The following SMCO2 variants were observed in gnomAD, a reference collection of about 807,000 sequenced individuals.
The protein encoded by SMCO2 is single-pass membrane and coiled-coil domain-containing protein 2.
A neutral mutation model predicts 29.5 loss-of-function variants in SMCO2; 25 were observed. The observed-to-expected ratio is 0.85, with a 90% CI of 0.62 to 1.18. The LOEUF (loss-of-function observed/expected upper bound fraction) is 1.18, where lower values mean the gene tolerates loss of function less well. Ranked by LOEUF, SMCO2 falls within the 50% of genes most tolerant of loss-of-function variation. The pLI is 0.00. For synonymous variants in SMCO2, 117 were observed against 123.3 expected (o/e 0.95, Z 0.34); for missense variants, 348 against 344.5 (o/e 1.01, Z -0.08).
At chr12:27,436,203 G>T in the SMCO2 span, among the ~76,000 whole-genome samples, 1 of 152,134 alleles carries the variant, frequency 6.6e-6, no homozygotes, top group Non-Finnish European at 1.5e-5. Flanking sequence ...CATCACAGTG[G>T]GGGTTAGGAT....
At chr12:27,494,120 C>T in intron 5 of SMCO2, 180 bp from the exon 7 acceptor site, 1 of 423,774 alleles carries the variant, frequency 2.4e-6, no homozygotes, top group South Asian at 4.0e-5. Context: ...ATGGTTATAC[C>T]ACTTACAGTC....
At chr12:27,474,135 TGTATATA>T (rs1340744697) in intron 3 of SMCO2, among the ~76,000 whole-genome samples, 11 of 152,338 alleles carry the variant, frequency 7.2e-5, no homozygotes, top group African/African-American at 2.6e-4. Flanking sequence ...TTTATCTTTG[TGTATATA>T]AATAGATGAA....
chr12:27,470,959 C>G (rs1372208051), intron 2 of SMCO2, among the ~76,000 whole-genome samples, 194 bp downstream of exon 2: 3 of 152,066 alleles, frequency 2.0e-5, no homozygotes, highest in Non-Finnish European at 4.4e-5. Context: ...GGCCCACCAT[C>G]ATAAACTGGG....
chr12:27,464,341 G>A (rs1363554085), upstream of SMCO2, among the ~76,000 whole-genome samples: 1 of 152,128 alleles, frequency 6.6e-6, no homozygotes, highest in East Asian at 1.9e-4. Flanking sequence ...AGCATTCAGG[G>A]GCTGGCAGAG....
At chr12:27,476,300 G>T (rs1318838779) in intron 4 of SMCO2, among the ~76,000 whole-genome samples, 1 of 152,208 alleles carries the variant, frequency 6.6e-6, no homozygotes, top group Admixed American at 6.5e-5. Flanking sequence ...CCCAGAGAAT[G>T]TTCCTCGTGC....
chr12:27,452,347 A>C, the SMCO2 span, among the ~76,000 whole-genome samples: 1 of 151,530 alleles, frequency 6.6e-6, no homozygotes, highest in Non-Finnish European at 1.5e-5. Flanking sequence ...CTCCCCTCCC[A>C]CTCCTTCACC....
chr12:27,453,648 C>A, the SMCO2 span, among the ~76,000 whole-genome samples: 2 of 152,218 alleles, frequency 1.3e-5, no homozygotes, highest in Admixed American at 6.5e-5. Context: ...CTATCCCCAG[C>A]CTCCATCCCT....
chr12:27,473,003 T>G, intron 3 of SMCO2, 128 bp downstream of exon 3: 2 of 695,100 alleles, frequency 2.9e-6, no homozygotes, highest in Non-Finnish European at 4.7e-6. Context: ...GGTGCAGAAC[T>G]TCAAAGCTTG....
chr12:27,492,696 G>T (rs1295093893), intron 5 of SMCO2, among the ~76,000 whole-genome samples: 1 of 152,216 alleles, frequency 6.6e-6, no homozygotes, highest in Non-Finnish European at 1.5e-5. Context: ...ATGTTGGCCA[G>T]GTTGTGGAGA....
At chr12:27,495,619 A>G (rs1942989703) in intron 6 of SMCO2, 61 bp from the exon 8 acceptor site, 10 of 1,383,548 alleles carry the variant, frequency 7.2e-6, no homozygotes, top group South Asian at 1.8e-5. Flanking sequence ...AGCATTATCT[A>G]TAGTAAGACT....
intron 5 of SMCO2, among the ~76,000 whole-genome samples, chr12:27,489,339 G>A (rs386211): frequency 0.12 from 18,674 of 152,044 alleles, 2,215 homozygotes; most frequent in African/African-American, 0.29. Context: ...ATGAGCTACC[G>A]CACCCAGCCT....
chr12:27,495,078 TG>T (rs1942981291), intron 6 of SMCO2, among the ~76,000 whole-genome samples: 1 of 152,150 alleles, frequency 6.6e-6, no homozygotes, highest in African/African-American at 2.4e-5. Context: ...TAAATGTGAT[TG>T]GGCAAATGAG....
At chr12:27,495,711 C>T (rs1942991415) in exon 7 of SMCO2, 1 of 1,508,878 alleles carries the variant, frequency 6.6e-7, no homozygotes, top group African/African-American at 1.4e-5. Context: ...CTGCTGAGTG[C>T]AAAGCTAAGG....
the SMCO2 span, among the ~76,000 whole-genome samples, chr12:27,458,323 T>A: frequency 1.3e-5 from 2 of 152,106 alleles, no homozygotes. Flanking sequence ...CCTGAAAGAG[T>A]TTAAATTAAA....
chr12:27,454,650 C>T, the SMCO2 span, among the ~76,000 whole-genome samples: 4 of 152,126 alleles, frequency 2.6e-5, no homozygotes, highest in Non-Finnish European at 4.4e-5. Flanking sequence ...TAGGCATACA[C>T]GTGCCATGGT....
At chr12:27,464,106 C>T (rs1410068318), upstream of SMCO2, among the ~76,000 whole-genome samples, 1 of 152,142 alleles carries the variant, frequency 6.6e-6, no homozygotes, top group African/African-American at 2.4e-5. Flanking sequence ...TCCCCAAAAA[C>T]CAACAAGGGT....
chr12:27,428,502 G>A, the SMCO2 span, among the ~76,000 whole-genome samples: 1 of 151,762 alleles, frequency 6.6e-6, no homozygotes, highest in African/African-American at 2.4e-5. Flanking sequence ...TTGTTGAGGA[G>A]GGGAGGCAAG....
chr12:27,473,032 G>C (rs532253493), intron 3 of SMCO2, 157 bp downstream of exon 3: 28 of 596,800 alleles, frequency 4.7e-5, no homozygotes, highest in Admixed American at 8.8e-5. Flanking sequence ...AGGGAGGCAG[G>C]GAATATGGCA....
chr12:27,426,564 A>AT, the SMCO2 span, among the ~76,000 whole-genome samples: 5 of 152,236 alleles, frequency 3.3e-5, no homozygotes, highest in African/African-American at 1.2e-4. Flanking sequence ...GTGCTTACAC[A>AT]TTGTCTGACA....
Sources: gnomAD v4.1 joint callset for allele counts (sites outside exome capture counted in the v4.1 genomes callset) on GRCh38, gnomAD v4.1.1 for gene constraint, MANE v1.5 for transcripts, NCBI Gene and HGNC (gene_info 2026-07-23, HGNC 2026-07-21) for gene names.